MARCHF6: variants seen among roughly 807,000 people sequenced by gnomAD.
MARCHF6 encodes membrane associated ring-CH-type finger 6, also known as E3 ubiquitin-protein ligase MARCHF6.
A neutral mutation model predicts 133.7 loss-of-function variants in MARCHF6; 31 were observed. The observed-to-expected ratio is 0.23, with a 90% CI of 0.17 to 0.31. The LOEUF (loss-of-function observed/expected upper bound fraction) is 0.31, where lower values mean the gene tolerates loss of function less well. MARCHF6 is among the 10% of genes least tolerant of loss of function. The pLI, the probability that MARCHF6 is intolerant of heterozygous loss-of-function variation, is 1.00. For synonymous variants in MARCHF6, 395 were observed against 402.5 expected (o/e 0.98, Z 0.22); for missense variants, 723 against 1,121.6 (o/e 0.64, Z 5.08).
At chr5:10,386,909 T>C in intron 4 of MARCHF6, 85 bp from the exon 5 acceptor site, 1 of 961,824 alleles carries the variant, frequency 1.0e-6, no homozygotes, top group Non-Finnish European at 1.7e-6. Flanking sequence ...TTTGTGGCGT[T>C]CCACTTTACC....
chr5:10,403,179 A>C (rs1738650129), intron 14 of MARCHF6, among the ~76,000 whole-genome samples: 1 of 152,208 alleles, frequency 6.6e-6, no homozygotes, highest in Non-Finnish European at 1.5e-5. Context: ...CTTTAATAGA[A>C]TCAGTATTAA....
In MARCHF6 at chr5:10,373,150, A is replaced by C. The variant is rs527975426; in HGVS notation, c.20-4648A>C. ...GTGTCTTTGCATTCTCTGAGTGAGAAACTTGGGATCCCAGTTCTCTTCTCT... is the reference window on the plus strand; with the variant it reads ...GTGTCTTTGCATTCTCTGAGTGAGACACTTGGGATCCCAGTTCTCTTCTCT... On this transcript the variant is annotated intron_variant, in intron 1 of 25. Coordinates refer to ENST00000274140, the MANE Select transcript of MARCHF6 (RefSeq NM_005885.4). Among the ~76,000 whole-genome samples, 88 of 152,258 alleles carry C rather than the reference A, an allele frequency of 5.8e-4. 1 individual carries two copies. Among genetic ancestry groups the C allele is most frequent in the African/African-American group, 2.0e-3 (85 of 41,554 alleles).
intron 4 of MARCHF6, 42 bp from the exon 5 acceptor site, chr5:10,386,952 A>T: frequency 2.0e-6 from 3 of 1,481,712 alleles, no homozygotes; most frequent in Non-Finnish European, 2.8e-6. Context: ...TGAATTCATG[A>T]TGCGAGTTGT....
chr5:10,388,560 C>T (rs564611238), intron 5 of MARCHF6, among the ~76,000 whole-genome samples: 47 of 152,294 alleles, frequency 3.1e-4, no homozygotes, highest in African/African-American at 1.0e-3. Context: ...GGGCTGGGCT[C>T]AGCTGAGCTT....
intron 1 of MARCHF6, among the ~76,000 whole-genome samples, chr5:10,375,028 G>A (rs1251862411): frequency 2.0e-5 from 3 of 152,212 alleles, no homozygotes; most frequent in East Asian, 3.9e-4. Context: ...TGCTCTCGGC[G>A]CCTCCTCTGC....
chr5:10,377,685 T>C (rs946016952), intron 1 of MARCHF6, 113 bp from the exon 2 acceptor site: 16 of 644,824 alleles, frequency 2.5e-5, no homozygotes, highest in Non-Finnish European at 3.9e-5. Flanking sequence ...ATTAATGTTT[T>C]GTCAAGTGAT....
intron 3 of MARCHF6, among the ~76,000 whole-genome samples, chr5:10,380,724 G>C (rs936076048): frequency 3.9e-5 from 6 of 152,116 alleles, no homozygotes; most frequent in Non-Finnish European, 8.8e-5. Context: ...TCAGGAGTTT[G>C]AGGCTAGCCT....
chr5:10,382,267 G>A (rs1168788952), intron 4 of MARCHF6, among the ~76,000 whole-genome samples: 3 of 152,120 alleles, frequency 2.0e-5, no homozygotes, highest in East Asian at 1.9e-4. Flanking sequence ...AAAGACGGCC[G>A]GGCGCGGTGG....
chr5:10,377,144 C>T (rs1262627773), intron 1 of MARCHF6, among the ~76,000 whole-genome samples: 1 of 152,110 alleles, frequency 6.6e-6, no homozygotes, highest in Non-Finnish European at 1.5e-5. Flanking sequence ...TAGTGCTGGG[C>T]ATGAGGGGTG....
intron 1 of MARCHF6, among the ~76,000 whole-genome samples, chr5:10,364,000 A>G (rs1735978084): frequency 6.6e-6 from 1 of 152,218 alleles, no homozygotes; most frequent in Non-Finnish European, 1.5e-5. Context: ...TCCTTTTGGG[A>G]TGATGATAAT....
chr5:10,413,017 T>A (rs1307650308), intron 19 of MARCHF6, among the ~76,000 whole-genome samples: 1 of 152,080 alleles, frequency 6.6e-6, no homozygotes, highest in Non-Finnish European at 1.5e-5. Context: ...CGCTCTTGAA[T>A]GGGCAGGAAC....
rs1739223922 is a variant in MARCHF6 at position 10,411,428 on chromosome 5, C to T, written c.1787C>T (p.Ala596Val). 1 of 1,614,160 alleles carries T rather than the reference C, an allele frequency of 6.2e-7. No individual in the cohort carries two copies. The highest frequency in any genetic ancestry group is 1.1e-5 in the South Asian group (1 of 91,090). ...NNNQHARNNN[A>V]IPVVGEGLHA... ...AATCAGCATGCTCGAAATAACAACG[C>T]TATTCCTGTGGTGGGAGAAGGCCTT... The change falls in exon 19 of 26, where the codon GCT becomes GTT. Residue 596 changes from alanine to valine, a missense_variant. Around this residue, in one of 4 missense-constraint regions of MARCHF6, gnomAD observed 492 missense variants for 699.5 expected, o/e 0.70. Transcript: ENST00000274140.
chr5:10,363,339 A>T (rs1735938318), intron 1 of MARCHF6, among the ~76,000 whole-genome samples: 2 of 152,220 alleles, frequency 1.3e-5, no homozygotes, highest in Admixed American at 6.5e-5. Context: ...CTCAGTTTTT[A>T]AAATGGTCCA....
intron 1 of MARCHF6, among the ~76,000 whole-genome samples, chr5:10,370,482 A>T (rs1736404269): frequency 6.6e-6 from 1 of 152,222 alleles, no homozygotes; most frequent in African/African-American, 2.4e-5. Context: ...ATTTTTAAGT[A>T]TATACTTCAG....
At chr5:10,403,654 C>A in intron 15 of MARCHF6, 113 bp downstream of exon 15, 1 of 932,816 alleles carries the variant, frequency 1.1e-6, no homozygotes, top group Non-Finnish European at 1.5e-6. Context: ...ATATTCTCTA[C>A]TATTTTATTC....
intron 22 of MARCHF6, among the ~76,000 whole-genome samples, 175 bp from the exon 23 acceptor site, chr5:10,423,560 G>A (rs1212085781): frequency 6.6e-6 from 1 of 152,144 alleles, no homozygotes; most frequent in Non-Finnish European, 1.5e-5. Context: ...AATTTGAGCT[G>A]TTGAAGAAAA....
intron 4 of MARCHF6, among the ~76,000 whole-genome samples, chr5:10,383,138 T>G (rs1444137062): frequency 1.3e-5 from 2 of 152,208 alleles, no homozygotes; most frequent in Non-Finnish European, 2.9e-5. Context: ...GAAATGAAAT[T>G]CTTGGAAGAT....
At chr5:10,428,492 C>T (rs1641539962) in intron 24 of MARCHF6, among the ~76,000 whole-genome samples, 1 of 151,892 alleles carries the variant, frequency 6.6e-6, no homozygotes, top group South Asian at 2.1e-4. Context: ...CTGGCATGCG[C>T]CACCATGCCC....
rs560641878 is a variant in MARCHF6 at position 10,435,799 on chromosome 5, C to G, written c.*2115C>G. The G allele has an allele frequency of 8.4e-4, 120 of 142,110 alleles. No individual in the cohort carries two copies. Among genetic ancestry groups the G allele is most frequent in the Non-Finnish European group, 1.4e-3 (95 of 66,006 alleles). 8.8% of individuals were successfully genotyped at this position (142,110 alleles called of 1,614,324 possible). A position where few individuals can be genotyped will look rare whatever the true frequency, so the allele number is the denominator to read the frequency against. The stretch of plus-strand genomic sequence containing the variant: ...TGGCACGATCCTGGTTCACTGCACC[C>G]TCTGCCTCCCAGGTTCAAGCGATTC... On this transcript the variant is annotated 3_prime_UTR_variant, in exon 26 of 26. Coordinates refer to ENST00000274140, the MANE Select transcript of MARCHF6 (RefSeq NM_005885.4).
Sources: allele counts gnomAD v4.1 joint callset (sites outside exome capture counted in the v4.1 genomes callset), GRCh38; gene constraint gnomAD v4.1.1; regional missense constraint gnomAD v4.1.1; transcripts MANE v1.5; gene names NCBI Gene and HGNC (gene_info 2026-07-23, HGNC 2026-07-21).